SOS1: variants seen among roughly 807,000 people sequenced by gnomAD.
SOS1 encodes son of sevenless homolog 1.
A neutral mutation model predicts 157.6 loss-of-function variants in SOS1; 25 were observed. The ratio of observed to expected loss-of-function variants is 0.16; its 90% CI spans 0.12 to 0.22. The LOEUF is 0.22. SOS1 is among the 10% of genes least tolerant of loss of function. The pLI is 1.00. For missense variants in SOS1, 1,237 were observed against 1,599.1 expected, an observed-to-expected ratio of 0.77 and a Z score of 3.86; for synonymous variants, 528 against 534.0, an observed-to-expected ratio of 0.99 and a Z score of 0.16.
At chr2:39,017,147 G>T (rs1245080140) in intron 10 of SOS1, among the ~76,000 whole-genome samples, 1 of 151,944 alleles carries the variant, frequency 6.6e-6, no homozygotes, top group Non-Finnish European at 1.5e-5. Context: ...ACTTATCTAA[G>T]GTCATACTGT....
At chr2:39,123,981 G>C (rs1291170803), upstream of SOS1, among the ~76,000 whole-genome samples, 1 of 152,232 alleles carries the variant, frequency 6.6e-6, no homozygotes, top group Non-Finnish European at 1.5e-5. Context: ...GGCTAGGCTT[G>C]CTTAGCGGCC....
intron 19 of SOS1, 129 bp downstream of exon 19, chr2:38,996,793 A>G: frequency 1.5e-6 from 1 of 666,980 alleles, no homozygotes. Context: ...ATTCCTGGAC[A>G]TAATTATTAA....
At chr2:39,073,611 G>T (rs975764489) in intron 1 of SOS1, among the ~76,000 whole-genome samples, 1 of 152,166 alleles carries the variant, frequency 6.6e-6, no homozygotes, top group African/African-American at 2.4e-5. Context: ...TTTGTCTCTA[G>T]TAAGTTCCAG....
intron 6 of SOS1, among the ~76,000 whole-genome samples, chr2:39,038,842 T>C (rs1670452969): frequency 6.6e-6 from 1 of 151,714 alleles, no homozygotes; most frequent in Non-Finnish European, 1.5e-5. Flanking sequence ...ACTTAGTTGA[T>C]AAAACGGTGG....
intron 8 of SOS1, among the ~76,000 whole-genome samples, chr2:39,032,321 GTTTC>G (rs1468029845): frequency 2.0e-5 from 3 of 151,904 alleles, no homozygotes; most frequent in Admixed American, 1.3e-4. Context: ...CCATTTTATT[GTTTC>G]TTTGTGTTCA....
chr2:39,106,063 C>CA (rs772533037), intron 1 of SOS1, among the ~76,000 whole-genome samples: 159 of 151,600 alleles, frequency 1.0e-3, no homozygotes, highest in Admixed American at 2.0e-3. Context: ...ACAAAAAATA[C>CA]AAAAAAATTA....
chr2:39,107,463 C>G (rs1283507467), intron 1 of SOS1, among the ~76,000 whole-genome samples: 16 of 151,858 alleles, frequency 1.1e-4, no homozygotes, highest in Admixed American at 1.1e-3. Flanking sequence ...CTCAAAGTTC[C>G]TTCCTTCCTT....
chr2:39,047,834 A>G (rs1238435241), intron 6 of SOS1, among the ~76,000 whole-genome samples: 2 of 151,660 alleles, frequency 1.3e-5, no homozygotes, highest in Non-Finnish European at 2.9e-5. Flanking sequence ...TGCCCACCCT[A>G]ATTTTGTATT....
intron 3 of SOS1, among the ~76,000 whole-genome samples, chr2:39,057,399 T>C (rs1489801117): frequency 1.3e-5 from 2 of 152,164 alleles, no homozygotes; most frequent in Non-Finnish European, 2.9e-5. Flanking sequence ...TGAATAATGG[T>C]TGCTGTTAAG....
chr2:39,077,152 G>A (rs1672033152), intron 1 of SOS1, among the ~76,000 whole-genome samples: 1 of 152,050 alleles, frequency 6.6e-6, no homozygotes, highest in South Asian at 2.1e-4. Flanking sequence ...ACACCAGGCT[G>A]ACAAATATGG....
chr2:38,990,105 C>T (rs1324963614), intron 20 of SOS1, among the ~76,000 whole-genome samples: 6 of 151,092 alleles, frequency 4.0e-5, no homozygotes, highest in Non-Finnish European at 8.8e-5. Flanking sequence ...GAACAGATAA[C>T]GTTATAACAT....
chr2:39,118,998 A>T (rs1279771565), intron 1 of SOS1, among the ~76,000 whole-genome samples: 1 of 152,188 alleles, frequency 6.6e-6, no homozygotes. Context: ...ATGCTTTATG[A>T]GTTCCTTTAC....
chr2:39,124,550 T>C (rs1331309624), upstream of SOS1, among the ~76,000 whole-genome samples: 1 of 152,252 alleles, frequency 6.6e-6, no homozygotes, highest in Non-Finnish European at 1.5e-5. Flanking sequence ...CAGGTGCAAG[T>C]GCAACGCTCC....
Position 39,023,177 on chromosome 2 carries a change from T to G in SOS1, c.1251A>C (p.Leu417=), listed in dbSNP as rs144027132. ...FYSQQMKGKQ[L]AIKKMNEIQK... is the part of the protein sequence containing the mutation. ...GAATCTCGTTCATCTTCTTGATTGC[T>G]AGTTGTTTCCCCTTCATTTGCTGAC... is the stretch of plus-strand genomic sequence containing the variant. Residue 417 remains leucine (L), a synonymous_variant, in exon 10 of 23, where the codon CTA becomes CTC. Transcript: ENST00000402219. 7 of 1,613,206 alleles carry G rather than the reference T, an allele frequency of 4.3e-6. No homozygotes were observed. The highest frequency in any genetic ancestry group is 2.7e-5 in the African/African-American group (2 of 74,896).
intron 1 of SOS1, among the ~76,000 whole-genome samples, chr2:39,111,087 T>C (rs1220724971): frequency 4.6e-5 from 7 of 152,008 alleles, no homozygotes; most frequent in African/African-American, 1.7e-4. Context: ...ACAAAAATTA[T>C]CCAGGTGTGG....
chr2:39,076,004 A>C (rs1313476033), intron 1 of SOS1, among the ~76,000 whole-genome samples: 1 of 152,238 alleles, frequency 6.6e-6, no homozygotes, highest in Non-Finnish European at 1.5e-5. Flanking sequence ...AGAAATAGAC[A>C]ATTCCAACCT....
chr2:39,049,991 T>G (rs549419565), intron 6 of SOS1, among the ~76,000 whole-genome samples: 14 of 152,346 alleles, frequency 9.2e-5, no homozygotes, highest in Admixed American at 7.8e-4. Flanking sequence ...CAGAGTTCAC[T>G]ACCTTGAATG....
intron 1 of SOS1, among the ~76,000 whole-genome samples, chr2:39,098,916 A>G (rs1672869724): frequency 6.6e-6 from 1 of 152,194 alleles, no homozygotes; most frequent in Non-Finnish European, 1.5e-5. Flanking sequence ...ACAACTCAAC[A>G]GTAAAAAGAC....
At chr2:39,051,065 G>T (rs1227876588) in intron 6 of SOS1, 79 bp downstream of exon 6, 10 of 1,314,834 alleles carry the variant, frequency 7.6e-6, no homozygotes, top group Admixed American at 1.7e-5. Context: ...ACTTTAGCTG[G>T]AAAGAAGTAA....
Sources: allele counts gnomAD v4.1 joint callset (sites outside exome capture counted in the v4.1 genomes callset), GRCh38; gene constraint gnomAD v4.1.1; transcripts MANE v1.5; gene names NCBI Gene and HGNC (gene_info 2026-07-23, HGNC 2026-07-21).